The following SLC24A2 variants were observed in gnomAD, a reference collection of about 807,000 sequenced individuals.
The protein encoded by SLC24A2 is sodium/potassium/calcium exchanger 2.
Under a neutral mutation model 62.0 loss-of-function variants are expected in SLC24A2, and 36 were observed. The ratio of observed to expected loss-of-function variants is 0.58; its 90% confidence interval spans 0.44 to 0.77. SLC24A2 has a LOEUF of 0.77. Among genes scored for constraint, SLC24A2 ranks in the 30% least tolerant of loss-of-function variants. The pLI is 0.00. For missense variants in SLC24A2, 846 were observed against 817.9 expected (o/e 1.03, Z -0.42); for synonymous variants, 358 against 294.0 (o/e 1.22, Z -2.23).
At chr9:19,770,604 C>G (rs1379156721) in intron 2 of SLC24A2, among the ~76,000 whole-genome samples, 2 of 152,216 alleles carry the variant, frequency 1.3e-5, no homozygotes, top group African/African-American at 4.8e-5. Context: ...GAAAGGTCAT[C>G]TGCTCCCACT....
chr9:19,519,287 C>T (rs970517687), intron 10 of SLC24A2, among the ~76,000 whole-genome samples: 1 of 151,654 alleles, frequency 6.6e-6, no homozygotes, highest in Admixed American at 6.6e-5. Flanking sequence ...AGAGAACATA[C>T]AACAAAGAAG....
At chr9:20,078,153 A>T in the SLC24A2 span, among the ~76,000 whole-genome samples, 1 of 152,110 alleles carries the variant, frequency 6.6e-6, no homozygotes, top group Non-Finnish European at 1.5e-5. Context: ...TTCTTGGAAG[A>T]GCACCAACGC....
At chr9:20,147,004 A>C in the SLC24A2 span, among the ~76,000 whole-genome samples, 1 of 152,064 alleles carries the variant, frequency 6.6e-6, no homozygotes, top group East Asian at 1.9e-4. Context: ...ATAGTGTCCT[A>C]TTATTTAAAG....
chr9:19,632,362 A>ACATG lies in SLC24A2; in HGVS notation c.931-10067_931-10064dup, dbSNP rs773181066. On this transcript the variant is annotated intron_variant, in intron 2 of 10. Coordinates refer to ENST00000341998, the MANE Select transcript of SLC24A2 (RefSeq NM_020344.4). This position sits in a 1 kb window ranked among gnomAD's most constrained non-coding sequence, Gnocchi z 4.5. ...AAAAATCACCCATTCATTCTTCATC[A>ACATG]CATGTTTAATGAGCATCTTATATGT... Among the ~76,000 whole-genome samples, 1 of 152,118 alleles carries ACATG rather than the reference A, an allele frequency of 6.6e-6. No homozygotes were observed. Among genetic ancestry groups the ACATG allele is most frequent in the Non-Finnish European group, 1.5e-5 (1 of 68,032 alleles).
At chr9:20,162,008 T>A in the SLC24A2 span, among the ~76,000 whole-genome samples, 5 of 151,730 alleles carry the variant, frequency 3.3e-5, no homozygotes, top group Admixed American at 1.3e-4. Context: ...TGCAGATGGA[T>A]AACAGTATAA....
At chr9:20,216,947 T>C in the SLC24A2 span, among the ~76,000 whole-genome samples, 1 of 152,146 alleles carries the variant, frequency 6.6e-6, no homozygotes, top group African/African-American at 2.4e-5. Flanking sequence ...AAGGGGAATT[T>C]GGAGAAGGTT....
At chr9:19,525,788 T>C (rs984711934) in intron 9 of SLC24A2, among the ~76,000 whole-genome samples, 1 of 126,510 alleles carries the variant, frequency 7.9e-6, no homozygotes, top group African/African-American at 3.1e-5. Context: ...TTTTTTTTTT[T>C]ATAGCCAACC....
At chr9:19,567,029 G>A (rs553786939) in intron 7 of SLC24A2, among the ~76,000 whole-genome samples, 53 of 151,748 alleles carry the variant, frequency 3.5e-4, no homozygotes, top group South Asian at 4.2e-4. Context: ...TAATGGCTGC[G>A]GCACACCAAC....
At chr9:19,897,870 G>C in the SLC24A2 span, among the ~76,000 whole-genome samples, 2 of 152,166 alleles carry the variant, frequency 1.3e-5, no homozygotes, top group Non-Finnish European at 2.9e-5. Flanking sequence ...CATTGTTCCA[G>C]GCTGCTTTGA....
chr9:20,231,992 T>G, the SLC24A2 span, among the ~76,000 whole-genome samples: 1 of 152,220 alleles, frequency 6.6e-6, no homozygotes, highest in East Asian at 1.9e-4. Context: ...ATTGAGATAA[T>G]CATGTGGTTT....
chr9:20,049,477 T>C, the SLC24A2 span, among the ~76,000 whole-genome samples: 1 of 152,134 alleles, frequency 6.6e-6, no homozygotes, highest in South Asian at 2.1e-4. Flanking sequence ...CCACAGTCAC[T>C]ATAGTAGGTG....
the SLC24A2 span, among the ~76,000 whole-genome samples, chr9:20,018,170 A>G: frequency 1.3e-5 from 2 of 152,048 alleles, no homozygotes; most frequent in Non-Finnish European, 2.9e-5. Flanking sequence ...GATGATTTTG[A>G]TCTCCTGACC....
the SLC24A2 span, among the ~76,000 whole-genome samples, chr9:19,817,940 G>T: frequency 6.6e-6 from 1 of 151,930 alleles, no homozygotes; most frequent in African/African-American, 2.4e-5. Context: ...ATGTTACCCA[G>T]GCTGGTCTTG....
chr9:19,522,450 A>G (rs1396920027), intron 9 of SLC24A2, among the ~76,000 whole-genome samples: 2 of 152,236 alleles, frequency 1.3e-5, no homozygotes, highest in Admixed American at 6.5e-5. Context: ...AAAATAGCAT[A>G]TAAGAATAAA....
the SLC24A2 span, among the ~76,000 whole-genome samples, chr9:20,130,786 G>A: frequency 6.6e-6 from 1 of 152,168 alleles, no homozygotes; most frequent in East Asian, 1.9e-4. Flanking sequence ...AGACTGTTGT[G>A]TTAGATTGCA....
chr9:20,104,581 T>A, the SLC24A2 span, among the ~76,000 whole-genome samples: 1 of 152,184 alleles, frequency 6.6e-6, no homozygotes, highest in African/African-American at 2.4e-5. Context: ...AACCCAGAAT[T>A]TCATATCCAG....
Position 19,629,139 on chromosome 9 carries a change from T to C in SLC24A2, c.931-6840A>G, listed in dbSNP as rs72702418. Among the ~76,000 whole-genome samples the C allele has an allele frequency of 9.4e-3, 1,426 of 152,164 alleles. 13 individuals are homozygous for C. Among genetic ancestry groups the C allele is most frequent in the Non-Finnish European group, 0.015 (1,000 of 67,996 alleles). On this transcript the variant is annotated intron_variant, in intron 2 of 10. Transcript: ENST00000341998. ...ATGAGGACCCTGAAGCTGATGGAGT[T>C]GGACAATTTTTCCAAGGCCACATAG...
At chr9:19,910,215 A>T in the SLC24A2 span, among the ~76,000 whole-genome samples, 1 of 152,022 alleles carries the variant, frequency 6.6e-6, no homozygotes, top group Non-Finnish European at 1.5e-5. Flanking sequence ...GTGCCATCCT[A>T]TCATCGAAGC....
chr9:20,010,706 C>A, the SLC24A2 span, among the ~76,000 whole-genome samples: 2 of 151,738 alleles, frequency 1.3e-5, no homozygotes, highest in Admixed American at 6.6e-5. Context: ...GTGTGCTGCA[C>A]GCGTTAACTC....
Sources: gnomAD v4.1 joint callset for allele counts (sites outside exome capture counted in the v4.1 genomes callset) on GRCh38, gnomAD v4.1.1 for gene constraint, Gnocchi (gnomAD v3.1) non-coding constraint, MANE v1.5 for transcripts, NCBI Gene and HGNC (gene_info 2026-07-23, HGNC 2026-07-21) for gene names.